The following PIAS4 variants were observed in gnomAD, a reference collection of about 807,000 sequenced individuals.
The protein encoded by PIAS4 is E3 SUMO-protein ligase PIAS4.
In PIAS4, 7 loss-of-function variants were observed where a neutral mutation model predicts 58.0. That is an observed-to-expected ratio of 0.12 (90% CI 0.07 to 0.23). The LOEUF (loss-of-function observed/expected upper bound fraction) is 0.23. PIAS4 is among the 10% of genes least tolerant of loss of function. The pLI is 1.00. For missense variants in PIAS4, 550 were observed against 709.5 expected, an observed-to-expected ratio of 0.78 and a Z score of 2.55; for synonymous variants, 364 against 312.4, an observed-to-expected ratio of 1.17 and a Z score of -1.74.
intron 2 of PIAS4, among the ~76,000 whole-genome samples, chr19:4,014,421 T>C (rs541027203): frequency 2.0e-5 from 3 of 151,796 alleles, no homozygotes; most frequent in South Asian, 4.2e-4. Flanking sequence ...GCAGAGAGAG[T>C]GTGCAGCCTC....
At chr19:4,007,947 GGGCGGGGGGCGGGGA>G (rs1368798139) in intron 1 of PIAS4, among the ~76,000 whole-genome samples, 160 bp downstream of exon 1, 1 of 151,194 alleles carries the variant, frequency 6.6e-6, no homozygotes, top group African/African-American at 2.4e-5. Flanking sequence ...CTCAGGGTGA[GGGCGGGGGGCGGGGA>G]GGCCGGGGGC....
Position 4,024,067 on chromosome 19 carries a change from C to T in PIAS4, c.486C>T (p.Ser162=), listed in dbSNP as rs2040138110. 6.2e-7 allele frequency: 1 copy of T among 1,613,924 alleles called. No individual in the cohort carries two copies. The highest frequency in any genetic ancestry group is 8.5e-7 in the Non-Finnish European group (1 of 1,179,824). The change falls in exon 3 of 11, where the codon AGC becomes AGT. Residue 162 remains serine (S), a synonymous_variant. Coordinates refer to ENST00000262971, the MANE Select transcript of PIAS4 (RefSeq NM_015897.4). The part of the protein sequence containing the change: ...VPQNNEKLQE[S]PCIFALTPRQ... ...AGAACAACGAGAAGCTTCAGGAGAGCCCGTGCATCTTCGCATTGACGCCAA... is the reference window on the plus strand; with the variant it reads ...AGAACAACGAGAAGCTTCAGGAGAGTCCGTGCATCTTCGCATTGACGCCAA...
chr19:4,009,593 G>C (rs1201544086), intron 1 of PIAS4, among the ~76,000 whole-genome samples: 1 of 151,032 alleles, frequency 6.6e-6, no homozygotes, highest in East Asian at 1.9e-4. Context: ...AAATCAAGTT[G>C]ACCCTTCTTT....
In PIAS4 at chr19:4,028,752, G is replaced by A. The variant is rs761178452; in HGVS notation, c.705G>A (p.Glu235=). 1 of 1,612,940 alleles carries A rather than the reference G, an allele frequency of 6.2e-7. No individual in the cohort carries two copies. The highest frequency in any genetic ancestry group is 8.5e-7 in the Non-Finnish European group (1 of 1,179,718). The change falls in exon 6 of 11, where the codon GAG becomes GAA. Residue 235 remains glutamate, a synonymous_variant. Coordinates refer to ENST00000262971, the MANE Select transcript of PIAS4 (RefSeq NM_015897.4). The part of the protein sequence containing the change: ...GYYPSNKPGV[E]PKRPCRPINL... ...ACCCCTCCAATAAGCCCGGGGTGGAGCCCAAGAGGCCGTGCCGCCCCATCA... is the reference window on the plus strand; with the variant it reads ...ACCCCTCCAATAAGCCCGGGGTGGAACCCAAGAGGCCGTGCCGCCCCATCA...
In PIAS4 at chr19:4,033,187, C is replaced by T. The variant is rs763615669; in HGVS notation, c.981+14C>T. 6.6e-5 allele frequency: 106 copies of T among 1,603,154 alleles called. No individual in the cohort carries two copies. Among genetic ancestry groups the T allele is most frequent in the Middle Eastern group, 3.3e-4 (2 of 6,050 alleles). ...CTCATCTGTCCGGTGAGTCGGGGCG[C>T]GGTCCCCTCCTCGAGGCCTCTCCTG... On this transcript the variant is annotated intron_variant, in intron 8 of 10. Coordinates refer to ENST00000262971, the MANE Select transcript of PIAS4 (RefSeq NM_015897.4).
chr19:4,008,001 G>A (rs1399057118), intron 1 of PIAS4, among the ~76,000 whole-genome samples: 1 of 151,444 alleles, frequency 6.6e-6, no homozygotes, highest in Non-Finnish European at 1.5e-5. Context: ...CCAGGTCTTC[G>A]CGCCGGGGGT....
chr19:4,024,010 G>C (rs2040137553), intron 2 of PIAS4, 26 bp from the exon 3 acceptor site: 1 of 1,543,644 alleles, frequency 6.5e-7, no homozygotes, highest in Non-Finnish European at 9.0e-7. Context: ...GACCAGACAT[G>C]CCCCTGACCC....
chr19:4,025,801 C>G (rs1224835483), intron 3 of PIAS4, among the ~76,000 whole-genome samples: 1 of 152,088 alleles, frequency 6.6e-6, no homozygotes, highest in Non-Finnish European at 1.5e-5. Flanking sequence ...GGGCTGGGCA[C>G]GGTGGCTCAC....
At chr19:4,022,168 A>G (rs2040116171) in intron 2 of PIAS4, among the ~76,000 whole-genome samples, 1 of 152,042 alleles carries the variant, frequency 6.6e-6, no homozygotes, top group African/African-American at 2.4e-5. Flanking sequence ...CTTTGGGAGG[A>G]TTTGTCCATG....
At chr19:4,027,090 T>G in intron 3 of PIAS4, among the ~76,000 whole-genome samples, 1 of 151,814 alleles carries the variant, frequency 6.6e-6, no homozygotes. Context: ...CTGACCTTGT[T>G]ATCCGCCCGC....
At position 4,037,618 on chromosome 19, in the gene PIAS4, C is replaced by T. The variant is rs1035336855; in HGVS notation, c.1276C>T (p.Pro426Ser). The change falls in exon 11 of 11, where the codon CCC becomes TCC. Residue 426 changes from proline to serine, a missense_variant and splice_region_variant. By Grantham distance (74) the Pro-to-Ser change is moderately conservative. This residue lies in a region of PIAS4 where 188 missense variants were observed against 192.0 expected (regional missense o/e 0.98). Transcript: ENST00000262971. The surrounding 1 kb of genome is among the most constrained non-coding windows in gnomAD (Gnocchi z 5.8). The part of the protein sequence containing the change: ...SPQGAILVLG[P>S]SDANGLLPAP... ...CACCCTGTCCCTGTTGCCCGTAGGC[C>T]CCTCGGACGCCAATGGGCTCCTGCC... The T allele has an allele frequency of 2.5e-6, 4 of 1,609,976 alleles. No homozygotes were observed. Among genetic ancestry groups the T allele is most frequent in the Non-Finnish European group, 3.4e-6 (4 of 1,179,790 alleles).
rs775406478 is a variant in PIAS4, at chr19:4,037,689, C to T, written c.1347C>T (p.Gly449=). 9.7e-5 allele frequency: 156 copies of T among 1,611,712 alleles called. No homozygotes were observed. Among genetic ancestry groups the T allele is most frequent in the Non-Finnish European group, 1.3e-4 (153 of 1,179,600 alleles). The change falls in exon 11 of 11, where the codon GGC becomes GGT. Residue 449 remains glycine (G), a synonymous_variant. Coordinates refer to ENST00000262971, the MANE Select transcript of PIAS4 (RefSeq NM_015897.4). This position sits in a 1 kb window ranked among gnomAD's most constrained non-coding sequence, Gnocchi z 5.8. ...NGSGALGSTG[G]GGPVGSMENG... is the part of the protein sequence containing the mutation. ...GCGGTGCCCTGGGCAGCACGGGTGG[C>T]GGCGGCCCGGTGGGCAGCATGGAGA...
intron 2 of PIAS4, among the ~76,000 whole-genome samples, chr19:4,023,682 A>G (rs371589087): frequency 2.0e-5 from 3 of 152,056 alleles, no homozygotes; most frequent in African/African-American, 7.3e-5. Flanking sequence ...AGGAGAGAGG[A>G]GGTATGGCAG....
intron 1 of PIAS4, among the ~76,000 whole-genome samples, chr19:4,008,951 C>T (rs1159477091): frequency 1.3e-5 from 2 of 152,166 alleles, no homozygotes; most frequent in African/African-American, 2.4e-5. Context: ...GGGTCCTGTC[C>T]AGGTCCCATG....
chr19:4,010,242 G>C (rs1358579522), intron 1 of PIAS4, among the ~76,000 whole-genome samples: 1 of 152,212 alleles, frequency 6.6e-6, no homozygotes, highest in East Asian at 1.9e-4. Flanking sequence ...GGTGGCAGCT[G>C]CTGGGAAATC....
intron 1 of PIAS4, among the ~76,000 whole-genome samples, chr19:4,012,200 A>C (rs1409329048): frequency 1.3e-5 from 2 of 151,914 alleles, no homozygotes; most frequent in Non-Finnish European, 2.9e-5. Flanking sequence ...GGAGGCCCCC[A>C]CAGGCCCAGC....
intron 2 of PIAS4, among the ~76,000 whole-genome samples, chr19:4,018,952 G>A (rs755230799): frequency 2.0e-5 from 3 of 152,232 alleles, no homozygotes; most frequent in South Asian, 2.1e-4. Context: ...CCGTGTGTGC[G>A]CCGGGGTGTG....
intron 3 of PIAS4, among the ~76,000 whole-genome samples, chr19:4,027,405 T>G (rs889374703): frequency 1.3e-5 from 2 of 152,174 alleles, no homozygotes; most frequent in African/African-American, 2.4e-5. Flanking sequence ...TGCGTGTTGG[T>G]CCTTCGGTCT....
chr19:4,026,883 C>T (rs965146780), intron 3 of PIAS4, among the ~76,000 whole-genome samples: 9 of 151,776 alleles, frequency 5.9e-5, no homozygotes, highest in African/African-American at 1.7e-4. Context: ...AGTCACACTC[C>T]GAGGCCCAGG....
Sources: allele counts gnomAD v4.1 joint callset (sites outside exome capture counted in the v4.1 genomes callset), GRCh38; gene constraint gnomAD v4.1.1; regional missense constraint gnomAD v4.1.1; non-coding constraint Gnocchi (gnomAD v3.1); transcripts MANE v1.5; gene names NCBI Gene and HGNC (gene_info 2026-07-23, HGNC 2026-07-21).